TMEM132C: variants seen among roughly 807,000 people sequenced by gnomAD.
TMEM132C encodes the protein protein phosphatase 1, regulatory subunit 152.
TMEM132C carries 29 observed loss-of-function variants against 61.4 expected under a neutral mutation model. The ratio of observed to expected loss-of-function variants is 0.47; its 90% CI spans 0.35 to 0.64. TMEM132C has a LOEUF of 0.64. Among genes scored for constraint, TMEM132C ranks in the 30% least tolerant of loss-of-function variants. TMEM132C has a pLI of 0.00. For synonymous variants in TMEM132C, 656 were observed against 633.1 expected, an observed-to-expected ratio of 1.04 and a Z score of -0.54; for missense variants, 1,408 against 1,476.9, an observed-to-expected ratio of 0.95 and a Z score of 0.76.
chr12:128,456,499 C>T (rs566355494), intron 2 of TMEM132C, among the ~76,000 whole-genome samples: 2 of 145,180 alleles, frequency 1.4e-5, no homozygotes, highest in East Asian at 2.1e-4. Context: ...CTCAATGTCC[C>T]AGGCTCAAGT....
chr12:128,361,752 C>T (rs1593024948), intron 1 of TMEM132C, among the ~76,000 whole-genome samples: 1 of 151,842 alleles, frequency 6.6e-6, no homozygotes, highest in East Asian at 1.9e-4. Flanking sequence ...TTCCAAAATA[C>T]ACTTCAGTGA....
At chr12:128,281,156 T>C (rs1188509295) in intron 1 of TMEM132C, among the ~76,000 whole-genome samples, 2 of 152,214 alleles carry the variant, frequency 1.3e-5, no homozygotes, top group African/African-American at 4.8e-5. Flanking sequence ...GTTGAGTTTG[T>C]GTCATACTTG....
At chr12:128,416,005 G>T (rs1241635233) in intron 2 of TMEM132C, among the ~76,000 whole-genome samples, 1 of 152,094 alleles carries the variant, frequency 6.6e-6, no homozygotes, top group Non-Finnish European at 1.5e-5. Context: ...CCAAGAAAAG[G>T]CAGGGGAGAG....
At chr12:128,331,323 A>T (rs993630306) in intron 1 of TMEM132C, among the ~76,000 whole-genome samples, 6 of 152,366 alleles carry the variant, frequency 3.9e-5, no homozygotes, top group African/African-American at 1.4e-4. Context: ...GTACAACTTT[A>T]TGGGTACATG....
intron 2 of TMEM132C, among the ~76,000 whole-genome samples, chr12:128,477,720 T>C (rs1593067641): frequency 1.3e-5 from 2 of 152,224 alleles, no homozygotes; most frequent in South Asian, 2.1e-4. Flanking sequence ...GCTGGGATTA[T>C]AGGCACCCGC....
At chr12:128,513,640 T>C (rs1431000226) in intron 2 of TMEM132C, among the ~76,000 whole-genome samples, 4 of 152,134 alleles carry the variant, frequency 2.6e-5, no homozygotes, top group African/African-American at 9.6e-5. Context: ...AAAATGGAGA[T>C]TTTGCTCCTT....
intron 4 of TMEM132C, among the ~76,000 whole-genome samples, chr12:128,645,260 G>A (rs1356798095): frequency 1.3e-5 from 2 of 152,088 alleles, no homozygotes; most frequent in Non-Finnish European, 2.9e-5. Context: ...CTCTCTCACG[G>A]CCTTGCCACA....
chr12:128,529,059 T>C (rs1380691888), intron 2 of TMEM132C, among the ~76,000 whole-genome samples: 1 of 152,200 alleles, frequency 6.6e-6, no homozygotes, highest in Admixed American at 6.5e-5. Context: ...GCAGATATCG[T>C]CTCGCCTTGC....
rs564695772 is a variant in TMEM132C, at chr12:128,283,184, G to A, written c.85+15697G>A. Among the ~76,000 whole-genome samples the A allele has an allele frequency of 1.2e-3, 179 of 152,192 alleles. 1 individual carries two copies. The highest frequency in any genetic ancestry group is 2.4e-3 in the Non-Finnish European group (160 of 68,018). ...TTTCATTACTATAACTGTTTATTTT[G>A]ATGCTCACAATATCACAGGTTTGGC... On this transcript the variant is annotated intron_variant, in intron 1 of 8. Transcript: ENST00000435159.
At chr12:128,346,463 G>A (rs551734603) in intron 1 of TMEM132C, among the ~76,000 whole-genome samples, 2 of 152,222 alleles carry the variant, frequency 1.3e-5, no homozygotes, top group African/African-American at 4.8e-5. Flanking sequence ...TAGTTTAATA[G>A]GAATACCATT....
intron 1 of TMEM132C, among the ~76,000 whole-genome samples, chr12:128,313,237 T>C (rs1460381888): frequency 6.6e-6 from 1 of 152,202 alleles, no homozygotes; most frequent in Non-Finnish European, 1.5e-5. Context: ...TGTTTTAATC[T>C]CTGCTGTCTA....
intron 8 of TMEM132C, among the ~76,000 whole-genome samples, chr12:128,702,357 T>C (rs1477157803): frequency 3.3e-5 from 5 of 152,166 alleles, no homozygotes; most frequent in Non-Finnish European, 7.3e-5. Flanking sequence ...ATTTATTTAT[T>C]ATGAAATGTA....
intron 2 of TMEM132C, among the ~76,000 whole-genome samples, chr12:128,471,292 C>G (rs911301877): frequency 9.2e-5 from 14 of 152,136 alleles, no homozygotes; most frequent in African/African-American, 3.4e-4. Flanking sequence ...AAATTCTCGC[C>G]ATTGTTTTCC....
At chr12:128,555,814 A>C (rs1874313848) in intron 3 of TMEM132C, among the ~76,000 whole-genome samples, 1 of 151,672 alleles carries the variant, frequency 6.6e-6, no homozygotes, top group Non-Finnish European at 1.5e-5. Context: ...TCCTGGGTTC[A>C]GGTGATCCTC....
In TMEM132C at chr12:128,601,907, T is replaced by G. The variant is rs868235763; in HGVS notation, c.1122-14245T>G. On this transcript the variant is annotated intron_variant, in intron 3 of 8. Coordinates refer to ENST00000435159, the MANE Select transcript of TMEM132C (RefSeq NM_001136103.3). ...TTTGTGGCTGAGTATGGTGACCGAT[T>G]GCTTGCTCTGGGAGCAGAGTTTCCT... is the stretch of plus-strand genomic sequence containing the variant. Among the ~76,000 whole-genome samples, 2 of 152,268 alleles carry G rather than the reference T, an allele frequency of 1.3e-5. 1 individual carries two copies. The highest frequency in any genetic ancestry group is 6.8e-3 in the Middle Eastern group (2 of 294).
chr12:128,663,978 A>C (rs1954426377), intron 4 of TMEM132C, among the ~76,000 whole-genome samples: 3 of 139,922 alleles, frequency 2.1e-5, no homozygotes, highest in Non-Finnish European at 1.5e-5. Flanking sequence ...ATGCACCCAC[A>C]CGCACGCACG....
intron 2 of TMEM132C, among the ~76,000 whole-genome samples, chr12:128,537,917 G>C (rs1459597963): frequency 6.6e-6 from 1 of 152,262 alleles, no homozygotes; most frequent in Non-Finnish European, 1.5e-5. Context: ...GGGTACATGG[G>C]AACTCAGTAT....
chr12:128,643,381 C>A (rs1954172259), intron 4 of TMEM132C, among the ~76,000 whole-genome samples: 1 of 152,204 alleles, frequency 6.6e-6, no homozygotes, highest in Admixed American at 6.5e-5. Context: ...ATGTGGACCT[C>A]ACGTTCTGGC....
intron 1 of TMEM132C, among the ~76,000 whole-genome samples, chr12:128,344,695 C>T (rs959098249): frequency 7.2e-5 from 11 of 152,114 alleles, no homozygotes; most frequent in African/African-American, 2.4e-4. Flanking sequence ...ATTGTAATTT[C>T]GATTTGCATT....
Sources: gnomAD v4.1 joint callset for allele counts (sites outside exome capture counted in the v4.1 genomes callset) on GRCh38, gnomAD v4.1.1 for gene constraint, MANE v1.5 for transcripts, NCBI Gene and HGNC (gene_info 2026-07-23, HGNC 2026-07-21) for gene names.